The following PLD5 variants were observed in gnomAD, a reference collection of about 807,000 sequenced individuals.
The protein encoded by PLD5 is inactive phospholipase D5.
PLD5 carries 36 observed loss-of-function variants against 61.1 expected under a neutral mutation model. That is an observed-to-expected ratio of 0.59 (90% CI 0.45 to 0.78). PLD5 has a LOEUF of 0.78. PLD5 is among the 30% of genes least tolerant of loss of function. PLD5 has a pLI of 0.00. For synonymous variants in PLD5, 243 were observed against 242.8 expected (o/e 1.00, Z -0.01); for missense variants, 515 against 644.4 (o/e 0.80, Z 2.17).
intron 1 of PLD5, among the ~76,000 whole-genome samples, chr1:242,422,146 C>G (rs1665179053): frequency 6.6e-6 from 1 of 152,134 alleles, no homozygotes; most frequent in Non-Finnish European, 1.5e-5. Flanking sequence ...GCACTGGTTT[C>G]ATCCCAGATA....
intron 1 of PLD5, among the ~76,000 whole-genome samples, chr1:242,431,265 G>C (rs2654876): frequency 0.34 from 51,550 of 152,048 alleles, 9,118 homozygotes; most frequent in Middle Eastern, 0.47. Flanking sequence ...TGGTGTAAAA[G>C]TTGCTGCATA....
chr1:242,410,004 C>T lies in PLD5; in HGVS notation c.190-61762G>A, dbSNP rs539673576. Among the ~76,000 whole-genome samples, 53 of 152,256 alleles carry T rather than the reference C, an allele frequency of 3.5e-4. No homozygotes were observed. In the South Asian group the frequency reaches 0.011, roughly 30 times the overall value. ...ATTTCTGGAGCCGCTTTAAAAGAAA[C>T]GAAAACTTCCCAAGGACCCCTTTTC... is the stretch of plus-strand genomic sequence containing the variant. On this transcript the variant is annotated intron_variant, in intron 1 of 9. Transcript: ENST00000536534.
rs1366872309 is a variant in PLD5 at position 242,113,918 on chromosome 1, G to T, written c.1042C>A (p.Leu348Met). 1 of 1,613,546 alleles carries T rather than the reference G, an allele frequency of 6.2e-7. No individual in the cohort carries two copies. Among genetic ancestry groups the T allele is most frequent in the Non-Finnish European group, 8.5e-7 (1 of 1,179,762 alleles). Residue 348 changes from leucine to methionine, a missense_variant, in exon 7 of 10, where the codon CTG becomes ATG. Leu to Met is a conservative substitution (Grantham distance 15). Around this residue, in one of 2 missense-constraint regions of PLD5, gnomAD observed 450 missense variants for 598.1 expected, o/e 0.75. Coordinates refer to ENST00000536534, the MANE Select transcript of PLD5 (RefSeq NM_001372062.1). Reference sequence around the variant, plus strand: ...TTGGTGCTTGTGCTGGAGATAGGCAGGTAGTCCATGACAGCGATGTACACA... The same window carrying T: ...TTGGTGCTTGTGCTGGAGATAGGCATGTAGTCCATGACAGCGATGTACACA... ...QYVYIAVMDY[L>M]PISSTSTKRT...
chr1:242,440,049 A>G (rs929358840), intron 1 of PLD5, among the ~76,000 whole-genome samples: 2 of 152,208 alleles, frequency 1.3e-5, no homozygotes, highest in African/African-American at 4.8e-5. Context: ...ACCATACATA[A>G]TAATTGGAAA....
rs529111077 is a variant in PLD5, at chr1:242,406,112, C to T, written c.190-57870G>A. ...ATGAGTTGCAAGAATGACATACAAA[C>T]CTGTCCTCTGCTCCCACAGCATCCT... On this transcript the variant is annotated intron_variant, in intron 1 of 9. Coordinates refer to ENST00000536534, the MANE Select transcript of PLD5 (RefSeq NM_001372062.1). Among the ~76,000 whole-genome samples, 3 of 152,246 alleles carry T rather than the reference C, an allele frequency of 2.0e-5. No homozygotes were observed. The South Asian group carries it at 6.2e-4, about 32-fold the overall frequency.
At chr1:242,194,603 T>TATCTA (rs1193250766) in intron 5 of PLD5, among the ~76,000 whole-genome samples, 1 of 74,350 alleles carries the variant, frequency 1.3e-5, no homozygotes, top group African/African-American at 6.2e-5. Flanking sequence ...TCTATCTATC[T>TATCTA]ATGTATCTAT....
intron 1 of PLD5, among the ~76,000 whole-genome samples, chr1:242,480,590 G>T (rs1389121157): frequency 6.6e-6 from 1 of 152,072 alleles, no homozygotes; most frequent in Non-Finnish European, 1.5e-5. Context: ...GAAAATATTT[G>T]CAATATATAT....
chr1:242,494,013 C>T (rs1668265034), intron 1 of PLD5, among the ~76,000 whole-genome samples: 1 of 152,148 alleles, frequency 6.6e-6, no homozygotes, highest in Non-Finnish European at 1.5e-5. Flanking sequence ...TTCACCATCT[C>T]TAATAATTGC....
intron 3 of PLD5, among the ~76,000 whole-genome samples, chr1:242,286,357 C>T (rs187522404): frequency 7.8e-4 from 118 of 152,084 alleles, no homozygotes; most frequent in Middle Eastern, 3.4e-3. Context: ...GTGGAAAACA[C>T]GGGGAAAATT....
At chr1:242,241,918 G>GTATATATATATA (rs199673112) in intron 4 of PLD5, among the ~76,000 whole-genome samples, 3 of 102,612 alleles carry the variant, frequency 2.9e-5, no homozygotes, top group Non-Finnish European at 3.8e-5. Flanking sequence ...TATACTTACT[G>GTATATATATATA]TATATATATA....
At chr1:242,434,534 C>T (rs780890836) in intron 1 of PLD5, among the ~76,000 whole-genome samples, 16 of 152,276 alleles carry the variant, frequency 1.1e-4, no homozygotes, top group Non-Finnish European at 2.2e-4. Context: ...GAGCTGTCAT[C>T]GTATAGATGG....
At chr1:242,111,057 A>AT (rs112040049) in intron 7 of PLD5, among the ~76,000 whole-genome samples, 58,219 of 145,428 alleles carry the variant, frequency 0.4, 12,454 homozygotes, top group African/African-American at 0.58. Context: ...GGGCTTCTGA[A>AT]TTTTTTTTTT....
chr1:242,334,371 C>A (rs577903011), intron 2 of PLD5, among the ~76,000 whole-genome samples: 1 of 152,272 alleles, frequency 6.6e-6, no homozygotes, highest in Admixed American at 6.5e-5. Context: ...TATGCATCAA[C>A]AACTGAAGTT....
intron 5 of PLD5, among the ~76,000 whole-genome samples, chr1:242,155,984 T>C (rs1665333466): frequency 6.6e-6 from 1 of 152,218 alleles, no homozygotes; most frequent in African/African-American, 2.4e-5. Context: ...TGTGGGAGTC[T>C]AAGTCTCTTT....
At chr1:242,380,763 A>T (rs955763595) in intron 1 of PLD5, among the ~76,000 whole-genome samples, 1 of 152,212 alleles carries the variant, frequency 6.6e-6, no homozygotes, top group African/African-American at 2.4e-5. Flanking sequence ...GACACTTCTC[A>T]AAAGAAGACA....
intron 5 of PLD5, among the ~76,000 whole-genome samples, chr1:242,179,210 T>C (rs1247187332): frequency 1.3e-5 from 2 of 152,064 alleles, no homozygotes; most frequent in Non-Finnish European, 2.9e-5. Context: ...TTCCAAACCC[T>C]AGGGAAGCAT....
At chr1:242,337,079 C>T (rs925195593) in intron 2 of PLD5, among the ~76,000 whole-genome samples, 2 of 151,290 alleles carry the variant, frequency 1.3e-5, no homozygotes, top group Admixed American at 6.6e-5. Context: ...GATGTAGAGC[C>T]TGAGTGAGCT....
chr1:242,491,726 C>T (rs1668158823), intron 1 of PLD5, among the ~76,000 whole-genome samples: 1 of 152,162 alleles, frequency 6.6e-6, no homozygotes, highest in Non-Finnish European at 1.5e-5. Flanking sequence ...TTTTCTATGT[C>T]CTCATTCTGT....
intron 1 of PLD5, chr1:242,377,349 G>A: frequency 6.3e-7 from 1 of 1,596,896 alleles, no homozygotes; most frequent in Non-Finnish European, 8.6e-7. Flanking sequence ...CAGTGGTTGA[G>A]TGATTGCTCC....
Sources: allele counts gnomAD v4.1 joint callset (sites outside exome capture counted in the v4.1 genomes callset), GRCh38; gene constraint gnomAD v4.1.1; regional missense constraint gnomAD v4.1.1; transcripts MANE v1.5; gene names NCBI Gene and HGNC (gene_info 2026-07-23, HGNC 2026-07-21).